The following FRMPD4 variants were observed in gnomAD, a reference collection of about 807,000 sequenced individuals.
FRMPD4 encodes FERM and PDZ domain-containing protein 4.
In FRMPD4, 22 loss-of-function variants were observed where a neutral mutation model predicts 94.1. The ratio of observed to expected loss-of-function variants is 0.23; its 90% CI spans 0.17 to 0.33. FRMPD4 has a LOEUF of 0.33. Ranked by LOEUF, FRMPD4 falls within the 10% of genes least tolerant of loss-of-function variation. The pLI is 1.00. For synonymous variants in FRMPD4, 631 were observed against 548.6 expected, an observed-to-expected ratio of 1.15 and a Z score of -2.10; for missense variants, 1,111 against 1,339.9, an observed-to-expected ratio of 0.83 and a Z score of 2.67.
intron 1 of FRMPD4, among the ~76,000 whole-genome samples, chrX:12,157,793 A>G (rs764187511): frequency 2.7e-5 from 3 of 112,881 alleles, no homozygotes; most frequent in East Asian, 2.8e-4. Flanking sequence ...GGCGATGGCC[A>G]TAGATTGATT....
chrX:12,097,468 G>A (rs961102249), intron 3 of FRMPD4, among the ~76,000 whole-genome samples: 6 of 111,932 alleles, frequency 5.4e-5, no homozygotes, highest in South Asian at 3.7e-4. Context: ...ATAGTTTTCC[G>A]TTTATTTACA....
At chrX:11,884,884 G>A (rs572440350) in intron 3 of FRMPD4, among the ~76,000 whole-genome samples, 1 of 111,832 alleles carries the variant, frequency 8.9e-6, no homozygotes, top group African/African-American at 3.2e-5. Flanking sequence ...GCATGACTTT[G>A]TAACAAAACA....
intron 3 of FRMPD4, among the ~76,000 whole-genome samples, chrX:12,099,531 A>G (rs2055236458): frequency 1.8e-5 from 2 of 112,023 alleles, no homozygotes; most frequent in Admixed American, 9.5e-5. Flanking sequence ...TAATTTTTTT[A>G]TATTCATGTA....
chrX:12,229,663 C>T (rs1414573727), intron 1 of FRMPD4, among the ~76,000 whole-genome samples: 1 of 111,854 alleles, frequency 8.9e-6, no homozygotes, highest in Non-Finnish European at 1.9e-5. Flanking sequence ...TCCTTCTCCA[C>T]TGGCCTTTCT....
At chrX:12,326,445 C>T (rs2055289094) in intron 1 of FRMPD4, among the ~76,000 whole-genome samples, 1 of 111,334 alleles carries the variant, frequency 9.0e-6, no homozygotes, top group Non-Finnish European at 1.9e-5. Flanking sequence ...GGATTTCTGG[C>T]TTCTCCTCAT....
chrX:12,164,005 T>C (rs185102465), intron 1 of FRMPD4, among the ~76,000 whole-genome samples: 2 of 111,808 alleles, frequency 1.8e-5, no homozygotes, highest in African/African-American at 6.5e-5. Context: ...GGTGGGATTT[T>C]ATTTATTTAT....
At chrX:12,164,847 CT>C (rs2056086573) in intron 1 of FRMPD4, among the ~76,000 whole-genome samples, 1 of 112,467 alleles carries the variant, frequency 8.9e-6, no homozygotes, top group East Asian at 2.8e-4. Flanking sequence ...TAAATGTCTT[CT>C]TTTGAGAAGT....
At chrX:11,854,536 G>T (rs139373368) in intron 1 of FRMPD4, among the ~76,000 whole-genome samples, 1 of 112,246 alleles carries the variant, frequency 8.9e-6, no homozygotes, top group Non-Finnish European at 1.9e-5. Context: ...AGATACAATG[G>T]GGGTATAGGC....
At chrX:12,691,502 A>G (rs2060080431) in intron 8 of FRMPD4, among the ~76,000 whole-genome samples, 3 of 111,077 alleles carry the variant, frequency 2.7e-5, no homozygotes, top group African/African-American at 9.8e-5. Context: ...AATGGTTATT[A>G]TTTTAACCTG....
At chrX:12,607,251 C>T (rs934914118) in intron 2 of FRMPD4, among the ~76,000 whole-genome samples, 3 of 111,723 alleles carry the variant, frequency 2.7e-5, no homozygotes, top group African/African-American at 9.8e-5. Context: ...GTTCTGCCCA[C>T]CTCTCTTCAT....
chrX:12,084,543 A>G (rs1257462431), intron 3 of FRMPD4, among the ~76,000 whole-genome samples: 1 of 112,427 alleles, frequency 8.9e-6, no homozygotes, highest in African/African-American at 3.2e-5. Flanking sequence ...GTTAGTATTA[A>G]GAATCTTATT....
intron 1 of FRMPD4, among the ~76,000 whole-genome samples, chrX:12,264,540 T>C (rs942304905): frequency 7.1e-5 from 8 of 112,382 alleles, no homozygotes; most frequent in Non-Finnish European, 1.5e-4. Context: ...CTAAAAATAC[T>C]GTATGATAAT....
chrX:12,383,496 C>G (rs1400309238), intron 1 of FRMPD4, among the ~76,000 whole-genome samples: 1 of 111,165 alleles, frequency 9.0e-6, no homozygotes, highest in Non-Finnish European at 1.9e-5. Flanking sequence ...GTTGAGAAAC[C>G]CTGATTTAAA....
intron 3 of FRMPD4, among the ~76,000 whole-genome samples, chrX:11,961,054 C>T (rs1188090115): frequency 2.7e-5 from 3 of 111,536 alleles, no homozygotes; most frequent in African/African-American, 9.8e-5. Flanking sequence ...TTTTCTCTTG[C>T]CCTTGGAATT....
rs1397267028 is a variant in FRMPD4 at position 11,890,588 on chromosome X, T to A, written c.95+12570T>A. Among the ~76,000 whole-genome samples the A allele has an allele frequency of 4.4e-5, 5 of 112,564 alleles. No individual in the cohort carries two copies. In the East Asian group the frequency reaches 1.1e-3, roughly 25 times the overall value. Reference sequence around the variant, plus strand: ...TCTTCACAGATATTATCAAATATAATCATCACAACTACCTTGAGGGATAAT... The same window carrying A: ...TCTTCACAGATATTATCAAATATAAACATCACAACTACCTTGAGGGATAAT... On this transcript the variant is annotated intron_variant, in intron 3 of 18. Transcript: ENST00000640291.
chrX:11,868,019 C>G (rs139237881), intron 2 of FRMPD4, among the ~76,000 whole-genome samples: 219 of 111,769 alleles, frequency 2.0e-3, no homozygotes, highest in African/African-American at 6.8e-3. Context: ...CCATTATGCT[C>G]TTATTTATTT....
intron 1 of FRMPD4, among the ~76,000 whole-genome samples, chrX:12,328,085 T>C (rs2055315791): frequency 9.0e-6 from 1 of 111,392 alleles, no homozygotes; most frequent in African/African-American, 3.3e-5. Flanking sequence ...AGGGCCATCA[T>C]TACTCAAACA....
intron 2 of FRMPD4, among the ~76,000 whole-genome samples, chrX:12,557,160 C>T (rs1224956103): frequency 9.0e-6 from 1 of 111,578 alleles, no homozygotes; most frequent in Non-Finnish European, 1.9e-5. Context: ...ATTACCCCAA[C>T]CCTCCAATGG....
chrX:12,103,601 A>C (rs1410893574), intron 3 of FRMPD4, among the ~76,000 whole-genome samples: 1 of 112,018 alleles, frequency 8.9e-6, no homozygotes, highest in Admixed American at 9.5e-5. Flanking sequence ...CTTTATTTAC[A>C]AAAACAGGGG....
Sources: gnomAD v4.1 joint callset for allele counts (sites outside exome capture counted in the v4.1 genomes callset) on GRCh38, gnomAD v4.1.1 for gene constraint, MANE v1.5 for transcripts, NCBI Gene and HGNC (gene_info 2026-07-23, HGNC 2026-07-21) for gene names.